Variants in TENM4 observed in about 807,000 individuals in gnomAD.
TENM4 encodes teneurin-4.
Under a neutral mutation model 243.3 loss-of-function variants are expected in TENM4, and 82 were observed. The observed-to-expected ratio is 0.34, with a 90% CI of 0.28 to 0.40. The LOEUF is 0.40. TENM4 is among the 10% of genes least tolerant of loss of function. The probability of loss-of-function intolerance (pLI) is 1.00; values close to 1 mark genes in which losing one functional copy is unlikely to be tolerated. For missense variants in TENM4, 3,138 were observed against 3,673.3 expected, an observed-to-expected ratio of 0.85 and a Z score of 3.77; for synonymous variants, 1,412 against 1,456.3, an observed-to-expected ratio of 0.97 and a Z score of 0.69.
At chr11:78,718,190 G>A (rs1001309283) in intron 25 of TENM4, among the ~76,000 whole-genome samples, 1 of 152,202 alleles carries the variant, frequency 6.6e-6, no homozygotes, top group African/African-American at 2.4e-5. Flanking sequence ...GAGAGAGGAA[G>A]AGATTTGCCA....
chr11:79,079,988 A>AG (rs33965208), intron 4 of TENM4, among the ~76,000 whole-genome samples: 140,749 of 152,128 alleles, frequency 0.93, 65,401 homozygotes, highest in Middle Eastern at 0.98. Context: ...TTACTACCTC[A>AG]GGGGGCTGAA....
intron 4 of TENM4, among the ~76,000 whole-genome samples, chr11:79,081,784 A>C (rs955185787): frequency 2.6e-5 from 4 of 152,078 alleles, no homozygotes; most frequent in African/African-American, 9.7e-5. Context: ...CTAGAGGAAG[A>C]AAATTTCTGT....
At chr11:79,375,673 G>T (rs918404057) in intron 1 of TENM4, among the ~76,000 whole-genome samples, 4 of 152,108 alleles carry the variant, frequency 2.6e-5, no homozygotes, top group Admixed American at 2.0e-4. Context: ...ATAGACCCCT[G>T]CCCTTCGGAA....
intron 9 of TENM4, among the ~76,000 whole-genome samples, chr11:78,880,457 TAAAAAA>T (rs71763484): frequency 3.8e-5 from 4 of 104,646 alleles, no homozygotes; most frequent in African/African-American, 1.4e-4. Context: ...CAATAAATAC[TAAAAAA>T]AAAAAAAAAA....
intron 9 of TENM4, among the ~76,000 whole-genome samples, chr11:78,880,480 A>C (rs1859405036): frequency 6.6e-6 from 1 of 150,486 alleles, no homozygotes; most frequent in African/African-American, 2.4e-5. Context: ...AAAAAAAAAA[A>C]AAAAAAAAAG....
At chr11:78,846,961 G>C (rs540627398) in intron 12 of TENM4, among the ~76,000 whole-genome samples, 2 of 152,172 alleles carry the variant, frequency 1.3e-5, no homozygotes, top group Admixed American at 6.5e-5. Context: ...ATATCTCTGA[G>C]TGTCCAAGTG....
chr11:78,654,015 C>G lies in TENM4; in HGVS notation c.*4043G>C, dbSNP rs1186224910. 1 of 152,196 alleles carries G rather than the reference C, an allele frequency of 6.6e-6. No individual in the cohort carries two copies. Among genetic ancestry groups the G allele is most frequent in the Non-Finnish European group, 1.5e-5 (1 of 68,044 alleles). The allele number at this position is 152,196 out of a possible 1,614,324, so 9.4% of individuals were successfully genotyped here. A position where few individuals can be genotyped will look rare whatever the true frequency, so the allele number is the denominator to read the frequency against. On this transcript the variant is annotated 3_prime_UTR_variant, in exon 34 of 34. Transcript: ENST00000278550. The stretch of plus-strand genomic sequence containing the variant: ...GTTTTTGGAAGGTTAAATGAAAGGG[C>G]CTTGAACTGCAGAGTTCTTTTTTAA...
At chr11:78,794,702 C>T (rs978782601) in intron 15 of TENM4, among the ~76,000 whole-genome samples, 16 of 152,034 alleles carry the variant, frequency 1.1e-4, no homozygotes, top group African/African-American at 2.7e-4. Flanking sequence ...GATGGACCAG[C>T]GGAAGAGCAG....
intron 4 of TENM4, among the ~76,000 whole-genome samples, chr11:79,089,102 G>A (rs753108454): frequency 3.9e-5 from 6 of 152,176 alleles, no homozygotes; most frequent in Non-Finnish European, 7.4e-5. Flanking sequence ...GAGGAGAGGA[G>A]AGCAATCCTT....
chr11:79,040,722 T>C (rs537598592), intron 6 of TENM4, among the ~76,000 whole-genome samples: 1 of 152,104 alleles, frequency 6.6e-6, no homozygotes, highest in Non-Finnish European at 1.5e-5. Context: ...AGTCACATGG[T>C]GTTCAGGCCT....
intron 29 of TENM4, among the ~76,000 whole-genome samples, chr11:78,676,762 A>G (rs539622279): frequency 6.1e-4 from 93 of 152,354 alleles, no homozygotes; most frequent in African/African-American, 2.1e-3. Context: ...CACTGTATGA[A>G]AATACTTTAA....
At chr11:78,800,534 C>A (rs901167822) in intron 15 of TENM4, among the ~76,000 whole-genome samples, 1 of 152,064 alleles carries the variant, frequency 6.6e-6, no homozygotes, top group Non-Finnish European at 1.5e-5. Context: ...GGATTAGGTT[C>A]GCTGTCGGGT....
At chr11:79,274,915 C>T (rs528734675) in intron 2 of TENM4, among the ~76,000 whole-genome samples, 1 of 152,308 alleles carries the variant, frequency 6.6e-6, no homozygotes, top group South Asian at 2.1e-4. Context: ...CAGTTTCCTG[C>T]AGGGAGTTGG....
At chr11:78,836,076 G>A (rs1037193974) in intron 12 of TENM4, among the ~76,000 whole-genome samples, 28 of 152,248 alleles carry the variant, frequency 1.8e-4, no homozygotes, top group African/African-American at 6.5e-4. Flanking sequence ...TTCAGGGTTG[G>A]GGGCAGTATG....
chr11:79,180,712 T>C (rs1287106563), intron 3 of TENM4, among the ~76,000 whole-genome samples: 1 of 151,478 alleles, frequency 6.6e-6, no homozygotes. Flanking sequence ...GGCATAGTGG[T>C]GTGCACCTGT....
chr11:79,231,384 A>C (rs915596284), intron 2 of TENM4, among the ~76,000 whole-genome samples: 1 of 147,904 alleles, frequency 6.8e-6, no homozygotes, highest in Non-Finnish European at 1.5e-5. Context: ...TAAATTAGTA[A>C]TTTTTTTTTT....
At chr11:78,872,762 C>G (rs934748474) in intron 9 of TENM4, among the ~76,000 whole-genome samples, 1 of 152,214 alleles carries the variant, frequency 6.6e-6, no homozygotes, top group South Asian at 2.1e-4. Context: ...AGAAAATGTA[C>G]TGCTACTTGG....
At chr11:78,714,226 T>G (rs367841411) in intron 25 of TENM4, among the ~76,000 whole-genome samples, 14 of 152,180 alleles carry the variant, frequency 9.2e-5, no homozygotes, top group African/African-American at 3.4e-4. Context: ...AAGCAAAATT[T>G]TATTTTACAG....
chr11:78,961,995 G>T (rs1857337067), intron 6 of TENM4: 1 of 152,278 alleles, frequency 6.6e-6, no homozygotes. Context: ...GGCTGCCTGA[G>T]CCCGCGGAGC....
Sources: allele counts gnomAD v4.1 joint callset (sites outside exome capture counted in the v4.1 genomes callset), GRCh38; gene constraint gnomAD v4.1.1; transcripts MANE v1.5; gene names NCBI Gene and HGNC (gene_info 2026-07-23, HGNC 2026-07-21).